Variants in ZNF638 observed in about 807,000 individuals in gnomAD.
ZNF638 encodes the protein CTCL tumor antigen se33-1.
In ZNF638, 46 loss-of-function variants were observed where a neutral mutation model predicts 195.6. The observed-to-expected ratio is 0.24, with a 90% CI of 0.19 to 0.30. ZNF638 has a LOEUF of 0.30. Among genes scored for constraint, ZNF638 ranks in the 10% least tolerant of loss-of-function variants. The pLI is 1.00. For synonymous variants in ZNF638, 845 were observed against 772.0 expected (o/e 1.09, Z -1.57); for missense variants, 2,440 against 2,325.3 (o/e 1.05, Z -1.01).
At chr2:71,351,846 T>C (rs1313768747) in intron 2 of ZNF638, among the ~76,000 whole-genome samples, 1 of 152,208 alleles carries the variant, frequency 6.6e-6, no homozygotes, top group Non-Finnish European at 1.5e-5. Flanking sequence ...GGTTTTGTGA[T>C]TGATTTAACT....
At chr2:71,365,779 C>G in intron 6 of ZNF638, 73 bp downstream of exon 6, 4 of 1,384,590 alleles carry the variant, frequency 2.9e-6, no homozygotes, top group Non-Finnish European at 3.9e-6. Flanking sequence ...TGCAGTGGTG[C>G]AACAAGCATG....
At chr2:71,420,476 T>G (rs1355653868) in intron 21 of ZNF638, among the ~76,000 whole-genome samples, 2 of 152,204 alleles carry the variant, frequency 1.3e-5, no homozygotes, top group Non-Finnish European at 2.9e-5. Flanking sequence ...TAAACACTAA[T>G]CTTTAGTATT....
In ZNF638 at chr2:71,400,113, A is replaced by C; in HGVS notation, c.2589A>C (p.Glu863Asp). Residue 863 changes from glutamate to aspartate, a missense_variant and splice_region_variant, in exon 14 of 28, where the codon GAA becomes GAC. By Grantham distance (45) the Glu-to-Asp change is conservative. Transcript: ENST00000264447. ...ATTAAAGCAGACTATTTCATGCAGA[A>C]AACTCTGAAATAAAGACCAGTATTG... is the stretch of plus-strand genomic sequence containing the variant. ...KDSNKPVTIP[E>D]NSEIKTSIEV... 2 of 1,603,010 alleles carry C rather than the reference A, an allele frequency of 1.2e-6. No homozygotes were observed. Among genetic ancestry groups the C allele is most frequent in the Non-Finnish European group, 1.7e-6 (2 of 1,175,938 alleles).
At chr2:71,344,979 C>T (rs991453931) in intron 1 of ZNF638, among the ~76,000 whole-genome samples, 9 of 152,088 alleles carry the variant, frequency 5.9e-5, no homozygotes, top group African/African-American at 2.2e-4. Context: ...TATGAGTATA[C>T]AGTAGTCTCC....
At chr2:71,388,165 G>A (rs2104384389) in intron 10 of ZNF638, among the ~76,000 whole-genome samples, 1 of 152,298 alleles carries the variant, frequency 6.6e-6, no homozygotes, top group African/African-American at 2.4e-5. Flanking sequence ...TGGAAGTCCT[G>A]GGAGGTTTTG....
chr2:71,426,396 T>C, intron 23 of ZNF638, 64 bp from the exon 24 acceptor site: 1 of 1,181,776 alleles, frequency 8.5e-7, no homozygotes, highest in Non-Finnish European at 1.2e-6. Context: ...TTATTGTGAC[T>C]ATTTGGAATC....
chr2:71,418,325 G>C (rs908147679), intron 20 of ZNF638: 1 of 254,982 alleles, frequency 3.9e-6, no homozygotes, highest in Non-Finnish European at 7.3e-6. Context: ...AGAATTTCCA[G>C]GCTTCTAAAG....
intron 10 of ZNF638, 183 bp from the exon 11 acceptor site, chr2:71,395,958 C>CT: frequency 1.6e-6 from 1 of 628,994 alleles, no homozygotes; most frequent in Non-Finnish European, 2.8e-6. Context: ...ATCTGTATGC[C>CT]TTTTGATACA....
At chr2:71,410,969 C>T (rs2080203316) in intron 20 of ZNF638, among the ~76,000 whole-genome samples, 2 of 97,520 alleles carry the variant, frequency 2.1e-5, no homozygotes, top group South Asian at 4.1e-4. Context: ...AAGTTTTTCT[C>T]CCCACCCACC....
At chr2:71,412,573 A>T (rs1254255067) in intron 20 of ZNF638, among the ~76,000 whole-genome samples, 8 of 56,948 alleles carry the variant, frequency 1.4e-4, no homozygotes, top group Admixed American at 2.2e-4. Context: ...CTGAATGGTA[A>T]TGCCTAGGTT....
Position 71,426,941 on chromosome 2 carries a change from A to T in ZNF638, c.5072A>T (p.Glu1691Val). 6.2e-7 allele frequency: 1 copy of T among 1,613,942 alleles called. No individual in the cohort carries two copies. Among genetic ancestry groups the T allele is most frequent in the South Asian group, 1.1e-5 (1 of 91,044 alleles). ...GTGGATGAAATTGGAGAAGTGGAAG[A>T]GCTACCTTTGAATGAGTCAGCAGAC... ...VTVDEIGEVE[E>V]LPLNESADIT... Residue 1691 changes from glutamate (E) to valine (V), a missense_variant, in exon 24 of 28, where the codon GAG (glutamate) becomes GTG (valine). This residue lies in a region of ZNF638 where 1,883 missense variants were observed against 1,739.1 expected (regional missense o/e 1.08). Transcript: ENST00000264447.
intron 1 of ZNF638, among the ~76,000 whole-genome samples, chr2:71,335,671 C>T (rs1411783777): frequency 1.3e-5 from 2 of 152,208 alleles, no homozygotes; most frequent in Non-Finnish European, 2.9e-5. Context: ...CTTGTTTCAT[C>T]TCTACTTGCT....
chr2:71,418,335 G>C, intron 20 of ZNF638: 1 of 271,066 alleles, frequency 3.7e-6, no homozygotes. Flanking sequence ...GGCTTCTAAA[G>C]TTAATAAAGT....
Position 71,423,955 on chromosome 2 carries a change from C to T in ZNF638, c.4441C>T (p.Leu1481=). The T allele has an allele frequency of 6.2e-7, 1 of 1,614,084 alleles. No individual in the cohort carries two copies. Among genetic ancestry groups the T allele is most frequent in the Non-Finnish European group, 8.5e-7 (1 of 1,179,996 alleles). The change falls in exon 22 of 28, where the codon CTG becomes TTG. Residue 1481 remains leucine (L), a synonymous_variant. Transcript: ENST00000264447. ...ISALQGKLSK[L]DYRDITKQSQ... is the part of the protein sequence containing the mutation. ...AGCCCTGCAAGGCAAGCTTTCTAAACTGGATTACAGAGATATAACAAAACA... is the reference window on the plus strand; with the variant it reads ...AGCCCTGCAAGGCAAGCTTTCTAAATTGGATTACAGAGATATAACAAAACA...
chr2:71,369,308 G>A (rs969291976), intron 7 of ZNF638, among the ~76,000 whole-genome samples: 11 of 134,782 alleles, frequency 8.2e-5, no homozygotes, highest in African/African-American at 3.1e-4. Context: ...GGGCAACAGA[G>A]TAAGGCTCCG....
chr2:71,388,350 T>C, intron 10 of ZNF638: 1 of 550,980 alleles, frequency 1.8e-6, no homozygotes, highest in Non-Finnish European at 3.4e-6. Flanking sequence ...CATCTGACCT[T>C]TGATCATCTG....
At chr2:71,369,809 A>G in intron 7 of ZNF638, 74 bp from the exon 8 acceptor site, 1 of 1,442,910 alleles carries the variant, frequency 6.9e-7, no homozygotes, top group African/African-American at 1.4e-5. Flanking sequence ...AAAAGAAAGG[A>G]TTAAGCCCAT....
At chr2:71,393,530 C>T (rs1204762737) in intron 10 of ZNF638, 8 of 717,822 alleles carry the variant, frequency 1.1e-5, no homozygotes, top group Non-Finnish European at 1.6e-5. Flanking sequence ...ACGACACAAG[C>T]CCCGGACATT....
rs747820445 is a variant in ZNF638, at chr2:71,368,411, T to A, written c.2025T>A (p.Gly675=). ...GGAAAGAACAGTCATTGCATTATGG[T>A]TCGGTTCTTCTTATAACTGAATTAC... ...KLRKEQSLHY[G]SVLLITELPE... The change falls in exon 7 of 28, where the codon GGT becomes GGA. Residue 675 remains glycine (G), a synonymous_variant. Transcript: ENST00000264447. The A allele has an allele frequency of 6.8e-6, 11 of 1,612,760 alleles. No homozygotes were observed. In the Admixed American group the frequency reaches 1.8e-4, roughly 27 times the overall value.
Sources: gnomAD v4.1 joint callset for allele counts (sites outside exome capture counted in the v4.1 genomes callset) on GRCh38, gnomAD v4.1.1 for gene constraint, gnomAD v4.1.1 regional missense constraint, MANE v1.5 for transcripts, NCBI Gene and HGNC (gene_info 2026-07-23, HGNC 2026-07-21) for gene names.